SSBP2: variants seen among roughly 807,000 people sequenced by gnomAD.
SSBP2 encodes the protein single stranded DNA binding protein 2, also known as single-stranded DNA-binding protein 2.
A neutral mutation model predicts 61.8 loss-of-function variants in SSBP2; 17 were observed. The ratio of observed to expected loss-of-function variants is 0.28; its 90% CI spans 0.19 to 0.41. The LOEUF (loss-of-function observed/expected upper bound fraction) is 0.41, where lower values mean the gene tolerates loss of function less well. SSBP2 is among the 10% of genes least tolerant of loss of function. The pLI, the probability that SSBP2 is intolerant of heterozygous loss-of-function variation, is 1.00. For missense variants in SSBP2, 310 were observed against 458.7 expected (o/e 0.68, Z 2.96); for synonymous variants, 139 against 141.3 (o/e 0.98, Z 0.12).
intron 1 of SSBP2, among the ~76,000 whole-genome samples, chr5:81,703,996 G>A (rs986419416): frequency 2.0e-5 from 3 of 152,166 alleles, no homozygotes; most frequent in Non-Finnish European, 1.5e-5. Flanking sequence ...TAGTCCCTTG[G>A]ACATGACCAC....
intron 4 of SSBP2, among the ~76,000 whole-genome samples, chr5:81,564,953 C>A (rs966758795): frequency 1.3e-5 from 2 of 152,170 alleles, no homozygotes; most frequent in Non-Finnish European, 2.9e-5. Flanking sequence ...GTCCACTTAA[C>A]ATTTCAAAAG....
chr5:81,532,927 G>A (rs1045968031), intron 4 of SSBP2, among the ~76,000 whole-genome samples: 1 of 151,840 alleles, frequency 6.6e-6, no homozygotes, highest in Non-Finnish European at 1.5e-5. Context: ...AAATAGACAA[G>A]TTTGCAATTA....
chr5:81,432,876 C>G (rs1762397121), intron 15 of SSBP2, among the ~76,000 whole-genome samples: 1 of 149,890 alleles, frequency 6.7e-6, no homozygotes. Flanking sequence ...CTGGCCACCC[C>G]TACTGGGAAG....
intron 3 of SSBP2, among the ~76,000 whole-genome samples, chr5:81,623,547 G>A (rs992849772): frequency 2.2e-4 from 33 of 152,038 alleles, no homozygotes; most frequent in Admixed American, 2.0e-3. Context: ...GTGTTAGCCA[G>A]GATGGTCTCG....
chr5:81,733,730 C>G (rs1172357474), intron 1 of SSBP2, among the ~76,000 whole-genome samples: 1 of 152,108 alleles, frequency 6.6e-6, no homozygotes, highest in Non-Finnish European at 1.5e-5. Flanking sequence ...CATAGTTAGA[C>G]AGTACTGTAG....
At chr5:81,634,338 T>C (rs1748001986) in intron 3 of SSBP2, among the ~76,000 whole-genome samples, 1 of 152,210 alleles carries the variant, frequency 6.6e-6, no homozygotes, top group Non-Finnish European at 1.5e-5. Context: ...TACTATAACC[T>C]GGAAGCCCCT....
chr5:81,473,328 T>C (rs1477215093), intron 8 of SSBP2, among the ~76,000 whole-genome samples: 1 of 152,174 alleles, frequency 6.6e-6, no homozygotes, highest in Non-Finnish European at 1.5e-5. Context: ...CCATGGTAGT[T>C]TGCGGCACCT....
chr5:81,702,321 A>G (rs933244458), intron 1 of SSBP2, among the ~76,000 whole-genome samples: 2 of 152,228 alleles, frequency 1.3e-5, no homozygotes, highest in South Asian at 4.1e-4. Flanking sequence ...CAGTGAGCCA[A>G]GATGGTGCCA....
At chr5:81,673,088 T>C (rs964820221) in intron 1 of SSBP2, among the ~76,000 whole-genome samples, 1 of 149,820 alleles carries the variant, frequency 6.7e-6, no homozygotes, top group African/African-American at 2.5e-5. Context: ...TGATCTGCCG[T>C]CCTCGGCCTC....
At chr5:81,502,771 T>C (rs528703807) in intron 5 of SSBP2, among the ~76,000 whole-genome samples, 1 of 152,306 alleles carries the variant, frequency 6.6e-6, no homozygotes, top group African/African-American at 2.4e-5. Context: ...TGCCAACACA[T>C]ATCCAAACTA....
intron 11 of SSBP2, chr5:81,447,842 A>C (rs1015774217): frequency 2.6e-5 from 4 of 152,150 alleles, no homozygotes; most frequent in Non-Finnish European, 5.9e-5. Context: ...GTTTTATATA[A>C]ATTTTCTTAC....
At chr5:81,594,218 A>G (rs1301741985) in intron 4 of SSBP2, among the ~76,000 whole-genome samples, 3 of 152,230 alleles carry the variant, frequency 2.0e-5, no homozygotes, top group Admixed American at 6.5e-5. Flanking sequence ...CAGACTTTAA[A>G]CCAACAAAGA....
intron 6 of SSBP2, among the ~76,000 whole-genome samples, chr5:81,481,684 T>C (rs1448153310): frequency 6.6e-6 from 1 of 150,628 alleles, no homozygotes; most frequent in Non-Finnish European, 1.5e-5. Context: ...AGAATGGATG[T>C]TGTGTTACCT....
At chr5:81,613,682 T>C (rs1165130109) in intron 4 of SSBP2, among the ~76,000 whole-genome samples, 1 of 152,244 alleles carries the variant, frequency 6.6e-6, no homozygotes, top group Non-Finnish European at 1.5e-5. Context: ...CACTCTCTAA[T>C]GCCATCTAGT....
At chr5:81,528,464 T>C (rs1770130045) in intron 4 of SSBP2, among the ~76,000 whole-genome samples, 1 of 152,068 alleles carries the variant, frequency 6.6e-6, no homozygotes, top group African/African-American at 2.4e-5. Context: ...TGTTAAGTTA[T>C]GAACATGAAT....
chr5:81,745,380 A>G (rs1288684765), intron 1 of SSBP2, among the ~76,000 whole-genome samples: 3 of 152,154 alleles, frequency 2.0e-5, no homozygotes, highest in Admixed American at 1.3e-4. Context: ...AATACATGCT[A>G]CATTTGTAAA....
Position 81,463,735 on chromosome 5 carries a change from CTA to C in SSBP2, c.639-2634_639-2633del, listed in dbSNP as rs1176698959. On this transcript the variant is annotated intron_variant, in intron 9 of 16. Coordinates refer to ENST00000320672, the MANE Select transcript of SSBP2 (RefSeq NM_012446.5). ...GATTTTGATGAAATCAAATCAACCACTATTACCAAAGAGAAAAATCCTCTTTT... is the reference window on the plus strand; with the variant it reads ...GATTTTGATGAAATCAAATCAACCACTTACCAAAGAGAAAAATCCTCTTTT... Among the ~76,000 whole-genome samples, 3 of 144,582 alleles carry C rather than the reference CTA, an allele frequency of 2.1e-5. No homozygotes were observed. In the East Asian group the frequency reaches 6.1e-4, roughly 29 times the overall value. The allele number at this position is 144,582 out of a possible 152,430, so 94.9% of individuals were successfully genotyped here.
chr5:81,645,020 T>C (rs1749133619), intron 2 of SSBP2, among the ~76,000 whole-genome samples: 1 of 152,184 alleles, frequency 6.6e-6, no homozygotes, highest in South Asian at 2.1e-4. Context: ...TTGGTCAAGA[T>C]TTTTTAAAAT....
At chr5:81,547,768 C>T (rs1771850442) in intron 4 of SSBP2, among the ~76,000 whole-genome samples, 1 of 152,080 alleles carries the variant, frequency 6.6e-6, no homozygotes, top group African/African-American at 2.4e-5. Flanking sequence ...CCACTGTGCC[C>T]AGCTTAGAAA....
Sources: gnomAD v4.1 joint callset for allele counts (sites outside exome capture counted in the v4.1 genomes callset) on GRCh38, gnomAD v4.1.1 for gene constraint, MANE v1.5 for transcripts, NCBI Gene and HGNC (gene_info 2026-07-23, HGNC 2026-07-21) for gene names.